The following TXLNB variants were observed in gnomAD, a reference collection of about 807,000 sequenced individuals.
TXLNB encodes taxilin beta.
In TXLNB, 37 loss-of-function variants were observed where a neutral mutation model predicts 57.4. The ratio of observed to expected loss-of-function variants is 0.64; its 90% CI spans 0.50 to 0.85. The LOEUF is 0.85. Ranked by LOEUF, TXLNB falls within the 40% of genes least tolerant of loss-of-function variation. The pLI, the probability that TXLNB is intolerant of heterozygous loss-of-function variation, is 0.00. For synonymous variants in TXLNB, 302 were observed against 309.6 expected (o/e 0.98, Z 0.26); for missense variants, 848 against 825.6 (o/e 1.03, Z -0.33).
rs1775914690 is a variant in TXLNB, at chr6:139,240,764, T to C, written c.*1762A>G. 1 of 152,566 alleles carries C rather than the reference T, an allele frequency of 6.6e-6. No homozygotes were observed. Among genetic ancestry groups the C allele is most frequent in the Admixed American group, 6.5e-5 (1 of 15,284 alleles). 9.5% of individuals were successfully genotyped at this position (152,566 alleles called of 1,614,324 possible). A position where few individuals can be genotyped will look rare whatever the true frequency, so the allele number is the denominator to read the frequency against. On this transcript the variant is annotated 3_prime_UTR_variant, in exon 10 of 10. Transcript: ENST00000358430. ...AGCAACTTTGTTATTATCCTCACTG[T>C]CTACTTCAAACAAACTGTATGCAGT...
the TXLNB span, among the ~76,000 whole-genome samples, chr6:139,174,041 G>A: frequency 2.6e-5 from 4 of 152,192 alleles, no homozygotes; most frequent in Non-Finnish European, 4.4e-5. Context: ...TGAGCAGGAA[G>A]TCCTGCGTGA....
chr6:139,264,541 ATTTTT>A (rs1275397805), intron 4 of TXLNB, among the ~76,000 whole-genome samples: 1 of 144,266 alleles, frequency 6.9e-6, no homozygotes, highest in African/African-American at 2.7e-5. Flanking sequence ...ATATATATAT[ATTTTT>A]TGTTTTGTTT....
At chr6:139,246,685 T>C (rs1776073538) in intron 8 of TXLNB, among the ~76,000 whole-genome samples, 1 of 152,004 alleles carries the variant, frequency 6.6e-6, no homozygotes, top group South Asian at 2.1e-4. Flanking sequence ...GAGGCCGTGG[T>C]GGGTGGATCA....
intron 1 of TXLNB, among the ~76,000 whole-genome samples, chr6:139,290,205 C>A (rs903331117): frequency 2.0e-5 from 3 of 152,036 alleles, no homozygotes; most frequent in Non-Finnish European, 2.9e-5. Flanking sequence ...CATGGTGAAA[C>A]CCTGTCTCTA....
chr6:139,173,450 C>T, the TXLNB span, among the ~76,000 whole-genome samples: 13 of 152,206 alleles, frequency 8.5e-5, no homozygotes, highest in Non-Finnish European at 1.6e-4. Context: ...ACCTTTCCAT[C>T]GGGTAAGGAG....
chr6:139,248,882 A>G (rs1442424579), intron 7 of TXLNB, among the ~76,000 whole-genome samples: 1 of 152,258 alleles, frequency 6.6e-6, no homozygotes, highest in Non-Finnish European at 1.5e-5. Context: ...GCCATGACAC[A>G]GGTTGTACAC....
At chr6:139,304,546 C>G in the TXLNB span, among the ~76,000 whole-genome samples, 1 of 152,164 alleles carries the variant, frequency 6.6e-6, no homozygotes, top group African/African-American at 2.4e-5. Flanking sequence ...ATCAACCAAG[C>G]CTGCTCATGT....
At chr6:139,309,565 C>G in the TXLNB span, among the ~76,000 whole-genome samples, 19 of 152,258 alleles carry the variant, frequency 1.2e-4, 1 homozygote, top group South Asian at 3.1e-3. Context: ...AATATTGCCT[C>G]TTGTCCAAAC....
At chr6:139,171,839 T>G in the TXLNB span, among the ~76,000 whole-genome samples, 2 of 151,636 alleles carry the variant, frequency 1.3e-5, no homozygotes, top group Non-Finnish European at 2.9e-5. Context: ...TTGTTGTGTT[T>G]TTTTTTTTTG....
intron 2 of TXLNB, among the ~76,000 whole-genome samples, chr6:139,277,588 T>C (rs1011745682): frequency 4.6e-5 from 7 of 152,158 alleles, no homozygotes; most frequent in East Asian, 1.9e-4. Context: ...AGTAAAGACA[T>C]GGAGAGCCTT....
At chr6:139,296,637 T>C (rs1296021131), upstream of TXLNB, among the ~76,000 whole-genome samples, 1 of 152,164 alleles carries the variant, frequency 6.6e-6, no homozygotes, top group Non-Finnish European at 1.5e-5. Context: ...TATCGCTCAG[T>C]TCAGAGCCTT....
chr6:139,161,004 T>C, the TXLNB span, among the ~76,000 whole-genome samples: 2 of 152,136 alleles, frequency 1.3e-5, no homozygotes, highest in African/African-American at 2.4e-5. Context: ...TCTTCTGTTA[T>C]TCCCTGCTGC....
At chr6:139,319,911 G>A in the TXLNB span, among the ~76,000 whole-genome samples, 1 of 151,936 alleles carries the variant, frequency 6.6e-6, no homozygotes, top group Non-Finnish European at 1.5e-5. Flanking sequence ...GCAATACACA[G>A]CATAGTGAAG....
chr6:139,260,452 G>T lies in TXLNB; in HGVS notation c.883-15C>A, dbSNP rs1216458500. On this transcript the variant is annotated splice_polypyrimidine_tract_variant and intron_variant, in intron 5 of 9. Coordinates refer to ENST00000358430, the MANE Select transcript of TXLNB (RefSeq NM_153235.4). ...TTGTCCAGATGCTAAGAAAAATAAA[G>T]TGTACATAGAAAGCTTGGTTTATTA... 3.1e-6 allele frequency: 5 copies of T among 1,611,546 alleles called. No homozygotes were observed. The highest frequency in any genetic ancestry group is 2.7e-5 in the African/African-American group (2 of 74,660).
chr6:139,230,567 A>G, the TXLNB span, among the ~76,000 whole-genome samples: 1 of 152,114 alleles, frequency 6.6e-6, no homozygotes, highest in African/African-American at 2.4e-5. Flanking sequence ...GTTTGCTACC[A>G]CTTCTTGTGC....
At chr6:139,297,589 C>T in the TXLNB span, among the ~76,000 whole-genome samples, 1 of 152,040 alleles carries the variant, frequency 6.6e-6, no homozygotes, top group African/African-American at 2.4e-5. Context: ...ACGTGAATTC[C>T]AGATCTGTCT....
At chr6:139,180,284 A>C in the TXLNB span, 1 of 152,512 alleles carries the variant, frequency 6.6e-6, no homozygotes. Context: ...ACTAACAGAT[A>C]AGACAGATAT....
chr6:139,272,164 G>A (rs1212382555), intron 3 of TXLNB, among the ~76,000 whole-genome samples: 10 of 152,056 alleles, frequency 6.6e-5, no homozygotes, highest in South Asian at 4.1e-4. Context: ...TAAATTAGCC[G>A]GGCGTGGTGG....
chr6:139,219,034 T>C, the TXLNB span, among the ~76,000 whole-genome samples: 1 of 152,202 alleles, frequency 6.6e-6, no homozygotes, highest in Non-Finnish European at 1.5e-5. Context: ...TTCATACTTC[T>C]ATCCCGGTGC....
Sources: gnomAD v4.1 joint callset for allele counts (sites outside exome capture counted in the v4.1 genomes callset) on GRCh38, gnomAD v4.1.1 for gene constraint, MANE v1.5 for transcripts, NCBI Gene and HGNC (gene_info 2026-07-23, HGNC 2026-07-21) for gene names.